The following TMEM126A variants were observed in gnomAD, a reference collection of about 807,000 sequenced individuals.
The protein encoded by TMEM126A is transmembrane protein 126A.
Under a neutral mutation model 18.3 loss-of-function variants are expected in TMEM126A, and 10 were observed. That is an observed-to-expected ratio of 0.55 (90% confidence interval 0.34 to 0.93). TMEM126A has a LOEUF of 0.93. Ranked by LOEUF, TMEM126A falls within the 40% of genes least tolerant of loss-of-function variation. TMEM126A has a pLI of 0.02. For synonymous variants in TMEM126A, 68 were observed against 78.1 expected, an observed-to-expected ratio of 0.87 and a Z score of 0.68; for missense variants, 246 against 230.2, an observed-to-expected ratio of 1.07 and a Z score of -0.44.
rs199602090 is a variant in TMEM126A, at chr11:85,650,210, T to G, written c.-7-39T>G. 3 of 1,318,984 alleles carry G rather than the reference T, an allele frequency of 2.3e-6. No individual in the cohort carries two copies. In the African/African-American group the frequency reaches 4.4e-5, roughly 19 times the overall value. The allele number at this position is 1,318,984 out of a possible 1,614,324, so 81.7% of individuals were successfully genotyped here. A position where few individuals can be genotyped will look rare whatever the true frequency, so the allele number is the denominator to read the frequency against. ...TTCAGAAGGTTTTTAAAATTCTTTGTATAAATTCTTGAGAAATGATATCTT... is the reference window on the plus strand; with the variant it reads ...TTCAGAAGGTTTTTAAAATTCTTTGGATAAATTCTTGAGAAATGATATCTT... On this transcript the variant is annotated intron_variant, in intron 1 of 4. Coordinates refer to ENST00000304511, the MANE Select transcript of TMEM126A (RefSeq NM_032273.4).
At position 85,656,314 on chromosome 11, in the gene TMEM126A, A is replaced by C. The variant is rs773162969; in HGVS notation, c.401A>C (p.Gln134Pro). The C allele has an allele frequency of 3.7e-6, 6 of 1,611,004 alleles. No individual in the cohort carries two copies. The East Asian group carries it at 1.1e-4, about 30-fold the overall frequency. The change falls in exon 5 of 5, where the codon CAA becomes CCA. Residue 134 changes from glutamine (Q) to proline (P), a missense_variant. By Grantham distance (76) the Gln-to-Pro change is moderately conservative (BLOSUM62 -1). Transcript: ENST00000304511. ...ATCTCAATGTTTTCTTACAGGTATC[A>C]ATCAGCTCTGTTACCACACAAAGGG... ...PVNGGLAARY[Q>P]SALLPHKGNI...
At chr11:85,651,670 G>C (rs751537996) in intron 2 of TMEM126A, among the ~76,000 whole-genome samples, 12 of 152,058 alleles carry the variant, frequency 7.9e-5, no homozygotes, top group Non-Finnish European at 1.6e-4. Context: ...TTCAGAACAA[G>C]GATCTCCAAG....
intron 2 of TMEM126A, among the ~76,000 whole-genome samples, chr11:85,652,737 C>T (rs11600935): frequency 0.14 from 21,147 of 151,452 alleles, 1,718 homozygotes; most frequent in East Asian, 0.29. Flanking sequence ...ACTTGTACTA[C>T]TTTTTATTTA....
At chr11:85,651,808 C>CA (rs1266523737) in intron 2 of TMEM126A, among the ~76,000 whole-genome samples, 1 of 151,862 alleles carries the variant, frequency 6.6e-6, no homozygotes, top group South Asian at 2.1e-4. Flanking sequence ...CCTTTTAAAG[C>CA]AAAAAAGGAA....
At chr11:85,655,308 A>G in intron 3 of TMEM126A, 1 of 345,640 alleles carries the variant, frequency 2.9e-6, no homozygotes, top group South Asian at 2.7e-5. Context: ...AGGTCTGTTG[A>G]TAAAAAACAA....
At position 85,654,004 on chromosome 11, in the gene TMEM126A, C is replaced by G. The variant is rs1013222781; in HGVS notation, c.87-59C>G. 4 of 1,578,072 alleles carry G rather than the reference C, an allele frequency of 2.5e-6. No homozygotes were observed. In the African/African-American group the frequency reaches 5.4e-5, roughly 21 times the overall value. On this transcript the variant is annotated intron_variant, in intron 2 of 4. Transcript: ENST00000304511. ...AAAGTCCTATAACACATGTCAAGAT[C>G]GGGAAAGCTCACACACACAATAATG... is the stretch of plus-strand genomic sequence containing the variant.
At chr11:85,648,646 C>G (rs1439133192) in intron 1 of TMEM126A, among the ~76,000 whole-genome samples, 3 of 152,164 alleles carry the variant, frequency 2.0e-5, no homozygotes, top group Non-Finnish European at 4.4e-5. Flanking sequence ...CAAAATCATT[C>G]AGAGCTCCTG....
rs777822138 is a variant in TMEM126A at position 85,656,532 on chromosome 11, T to C, written c.*31T>C. The C allele has an allele frequency of 6.4e-7, 1 of 1,562,606 alleles. No homozygotes were observed. Among genetic ancestry groups the C allele is most frequent in the South Asian group, 1.1e-5 (1 of 89,134 alleles). On this transcript the variant is annotated 3_prime_UTR_variant, in exon 5 of 5. Coordinates refer to ENST00000304511, the MANE Select transcript of TMEM126A (RefSeq NM_032273.4). ...AACAAATATGTAAACAAAAATAAAA[T>C]GGTAAAAACAGTTTATGTCTAATGT... is the stretch of plus-strand genomic sequence containing the variant.
At chr11:85,650,976 G>A (rs1445140342) in intron 2 of TMEM126A, among the ~76,000 whole-genome samples, 1 of 149,172 alleles carries the variant, frequency 6.7e-6, no homozygotes, top group African/African-American at 2.5e-5. Flanking sequence ...GGCTGAGGCA[G>A]GAGAATTGCT....
chr11:85,654,235 G>T lies in TMEM126A; in HGVS notation c.259G>T (p.Val87Leu), dbSNP rs142626884. 1.1e-5 allele frequency: 18 copies of T among 1,613,976 alleles called. No homozygotes were observed. Among genetic ancestry groups the T allele is most frequent in the African/African-American group, 6.7e-5 (5 of 74,926 alleles). The change falls in exon 3 of 5, where the codon GTA (valine) becomes TTA (leucine). Residue 87 changes from valine to leucine, a missense_variant. Val to Leu is a conservative substitution (Grantham distance 32). Coordinates refer to ENST00000304511, the MANE Select transcript of TMEM126A (RefSeq NM_032273.4). Reference protein sequence around the residue: ...LTTDLTYRCFVSFPLNTGDLD... With the variant: ...LTTDLTYRCFLSFPLNTGDLD... The stretch of plus-strand genomic sequence containing the variant: ...AACAGACTTAACTTACAGATGTTTT[G>T]TAAGTTTTCCTTTGAATACAGGTAA...
At chr11:85,651,871 A>C (rs1210025934) in intron 2 of TMEM126A, among the ~76,000 whole-genome samples, 4 of 152,134 alleles carry the variant, frequency 2.6e-5, no homozygotes, top group African/African-American at 9.7e-5. Flanking sequence ...AAGACTAATA[A>C]AAGAGTAGTA....
chr11:85,649,593 TAC>T (rs2082485070), intron 1 of TMEM126A, among the ~76,000 whole-genome samples: 1 of 152,178 alleles, frequency 6.6e-6, no homozygotes, highest in Admixed American at 6.5e-5. Flanking sequence ...AAAGTGACTG[TAC>T]AGTTTGGGTA....
chr11:85,651,476 C>T (rs2082499350), intron 2 of TMEM126A, among the ~76,000 whole-genome samples: 1 of 152,200 alleles, frequency 6.6e-6, no homozygotes, highest in Admixed American at 6.5e-5. Context: ...GAAAAAATGG[C>T]ACAGTAATCC....
intron 4 of TMEM126A, 101 bp from the exon 5 acceptor site, chr11:85,656,206 TCA>T: frequency 2.0e-6 from 2 of 1,020,826 alleles, no homozygotes; most frequent in South Asian, 2.8e-5. Flanking sequence ...ACTTTAATAT[TCA>T]GTTTTATCTT....
In TMEM126A at chr11:85,655,598, T is replaced by C. The variant is rs933677902; in HGVS notation, c.285T>C (p.Asp95=). ...CFVSFPLNTG[D]LDCETCTITR... is the part of the protein sequence containing the mutation. ...TATGACTAATTTATTTCCTAGGTGA[T>C]TTGGATTGTGAAACCTGTACCATAA... The change falls in exon 4 of 5, where the codon GAT becomes GAC. Residue 95 remains aspartate (D), a synonymous_variant. Coordinates refer to ENST00000304511, the MANE Select transcript of TMEM126A (RefSeq NM_032273.4). 6.2e-7 allele frequency: 1 copy of C among 1,611,242 alleles called. No homozygotes were observed. Among genetic ancestry groups the C allele is most frequent in the African/African-American group, 1.3e-5 (1 of 74,836 alleles).
intron 2 of TMEM126A, 127 bp from the exon 3 acceptor site, chr11:85,653,936 G>T: frequency 1.8e-6 from 2 of 1,089,282 alleles, no homozygotes; most frequent in Non-Finnish European, 1.4e-6. Flanking sequence ...TTAAGATTTT[G>T]GTTCTATAAG....
intron 1 of TMEM126A, among the ~76,000 whole-genome samples, chr11:85,648,898 C>T (rs2082480333): frequency 2.0e-5 from 3 of 149,964 alleles, no homozygotes; most frequent in African/African-American, 7.3e-5. Context: ...AATCTGGTTT[C>T]ATAAAAGCAT....
chr11:85,649,102 T>C (rs2082481893), intron 1 of TMEM126A, among the ~76,000 whole-genome samples: 1 of 152,120 alleles, frequency 6.6e-6, no homozygotes, highest in East Asian at 1.9e-4. Flanking sequence ...GCCTGGCTAA[T>C]TTTTGTATTT....
chr11:85,649,545 G>A (rs529099397), intron 1 of TMEM126A, among the ~76,000 whole-genome samples: 4 of 152,290 alleles, frequency 2.6e-5, no homozygotes, highest in African/African-American at 9.6e-5. Flanking sequence ...CTAGCTATGT[G>A]TGTCTTCTAT....
Sources: gnomAD v4.1 joint callset for allele counts (sites outside exome capture counted in the v4.1 genomes callset) on GRCh38, gnomAD v4.1.1 for gene constraint, MANE v1.5 for transcripts, NCBI Gene and HGNC (gene_info 2026-07-23, HGNC 2026-07-21) for gene names.